Variants in HERC2 observed in about 807,000 individuals in gnomAD.
The protein encoded by HERC2 is HECT and RLD domain containing E3 ubiquitin protein ligase 2.
A neutral mutation model predicts 537.7 loss-of-function variants in HERC2; 102 were observed. The observed-to-expected ratio is 0.19, with a 90% CI of 0.16 to 0.22. The LOEUF (loss-of-function observed/expected upper bound fraction) is 0.22, where lower values mean the gene tolerates loss of function less well. Ranked by LOEUF, HERC2 falls within the 10% of genes least tolerant of loss-of-function variation. The pLI is 1.00. For synonymous variants in HERC2, 2,224 were observed against 2,466.2 expected (o/e 0.90, Z 2.91); for missense variants, 4,236 against 6,198.2 (o/e 0.68, Z 10.63).
At chr15:28,262,801 G>A (rs1162894911) in intron 15 of HERC2, 117 bp downstream of exon 15, 1 of 1,083,132 alleles carries the variant, frequency 9.2e-7, no homozygotes, top group African/African-American at 1.6e-5. Context: ...GTCAGGTTAA[G>A]AACATAAAAC....
Position 28,178,886 on chromosome 15 carries a change from C to T in HERC2, c.9163+1G>A. The T allele has an allele frequency of 6.2e-7, 1 of 1,613,132 alleles. No homozygotes were observed. The highest frequency in any genetic ancestry group is 8.5e-7 in the Non-Finnish European group (1 of 1,179,868). ...CAGGCCTCCTGGTGCTTGGCTTGTA[C>T]CTGAGTGAACAGCCACCTTCTTGAC... On this transcript the variant is annotated splice_donor_variant, in intron 59 of 92. Transcript: ENST00000261609. LOFTEE classifies it high-confidence loss of function.
chr15:28,277,346 A>G (rs2075901356), intron 5 of HERC2, among the ~76,000 whole-genome samples: 2 of 152,130 alleles, frequency 1.3e-5, no homozygotes, highest in Non-Finnish European at 2.9e-5. Flanking sequence ...ATCAAAATTA[A>G]CACCCTCGTT....
In HERC2 at chr15:28,228,357, C is replaced by T. The variant is rs772642437; in HGVS notation, c.5325G>A (p.Pro1775=). 6.2e-6 allele frequency: 10 copies of T among 1,612,070 alleles called. No homozygotes were observed. Among genetic ancestry groups the T allele is most frequent in the Admixed American group, 3.3e-5 (2 of 60,020 alleles). Residue 1775 remains proline (P), a synonymous_variant, in exon 35 of 93, where the codon CCG becomes CCA. Coordinates refer to ENST00000261609, the MANE Select transcript of HERC2 (RefSeq NM_004667.6). ...GGGCTTGCGGGATGGTCCCCAGGCT[C>T]GGTCCTGACGGGTTCTCATTGGTGA... ...QTITNENPSG[P]SLGTIPQARF...
At chr15:28,266,341 T>C (rs867652411) in intron 12 of HERC2, among the ~76,000 whole-genome samples, 1 of 151,916 alleles carries the variant, frequency 6.6e-6, no homozygotes, top group Non-Finnish European at 1.5e-5. Context: ...CATGGTGAAA[T>C]CCCGTCTCTA....
At chr15:28,257,014 C>T in intron 17 of HERC2, 47 bp downstream of exon 17, 1 of 1,509,200 alleles carries the variant, frequency 6.6e-7, no homozygotes, top group East Asian at 2.3e-5. Context: ...CTTACAAATC[C>T]CTAAGACACT....
intron 30 of HERC2, among the ~76,000 whole-genome samples, 162 bp from the exon 31 acceptor site, chr15:28,230,662 C>T (rs1901733078): frequency 6.6e-6 from 1 of 151,874 alleles, no homozygotes; most frequent in African/African-American, 2.4e-5. Flanking sequence ...AAATGATCAC[C>T]CTGGCAGAAC....
intron 2 of HERC2, among the ~76,000 whole-genome samples, chr15:28,316,568 G>A (rs1205200502): frequency 1.3e-5 from 2 of 152,088 alleles, no homozygotes; most frequent in South Asian, 2.1e-4. Flanking sequence ...ATGGAATTTT[G>A]AAAACAAAAA....
intron 86 of HERC2, 64 bp from the exon 87 acceptor site, chr15:28,117,218 T>C (rs745570320): frequency 2.0e-6 from 3 of 1,504,406 alleles, no homozygotes; most frequent in East Asian, 2.3e-5. Flanking sequence ...CAGTCGGGGA[T>C]ATGCGGCACT....
At position 28,268,386 on chromosome 15, in the gene HERC2, C is replaced by A; in HGVS notation, c.1598+79G>T. 1 of 1,379,578 alleles carries A rather than the reference C, an allele frequency of 7.2e-7. No individual in the cohort carries two copies. Among genetic ancestry groups the A allele is most frequent in the South Asian group, 1.3e-5 (1 of 75,216 alleles). 85.5% of individuals were successfully genotyped at this position (1,379,578 alleles called of 1,614,324 possible). On this transcript the variant is annotated intron_variant, in intron 12 of 92. Coordinates refer to ENST00000261609, the MANE Select transcript of HERC2 (RefSeq NM_004667.6). This position sits in a 1 kb window ranked among gnomAD's most constrained non-coding sequence, Gnocchi z 4.7. ...AGGGCAATTGGAAAACACCTGGACA[C>A]ACTTCTGCGCTCCATCCTGTTTAGG...
intron 68 of HERC2, among the ~76,000 whole-genome samples, chr15:28,166,699 A>G (rs1469430472): frequency 2.6e-5 from 4 of 151,634 alleles, no homozygotes; most frequent in African/African-American, 9.8e-5. Context: ...CAGGGATCCC[A>G]ATGACCAGTC....
intron 56 of HERC2, among the ~76,000 whole-genome samples, chr15:28,185,372 G>A (rs575713639): frequency 3.8e-4 from 58 of 152,268 alleles, no homozygotes; most frequent in African/African-American, 1.4e-3. Context: ...CCTGTCTGGA[G>A]GGCCCCGGTC....
intron 57 of HERC2, among the ~76,000 whole-genome samples, chr15:28,180,069 T>C (rs1324133912): frequency 6.6e-6 from 1 of 152,236 alleles, no homozygotes; most frequent in Non-Finnish European, 1.5e-5. Context: ...CTCACCACTC[T>C]CTCACTGACT....
intron 56 of HERC2, among the ~76,000 whole-genome samples, chr15:28,184,857 G>A (rs543900999): frequency 2.0e-5 from 3 of 149,608 alleles, no homozygotes; most frequent in African/African-American, 4.9e-5. Context: ...GCAAGACTCC[G>A]TCTCAAAAAA....
chr15:28,119,765 G>T (rs1888679001), intron 86 of HERC2, among the ~76,000 whole-genome samples: 1 of 152,096 alleles, frequency 6.6e-6, no homozygotes. Flanking sequence ...ATATAAATTT[G>T]TTTGCCATTT....
intron 35 of HERC2, among the ~76,000 whole-genome samples, chr15:28,222,659 G>C (rs1269578169): frequency 6.6e-6 from 1 of 152,126 alleles, no homozygotes; most frequent in East Asian, 1.9e-4. Flanking sequence ...CAGGGTTGCT[G>C]CAGGCTGGCC....
At chr15:28,182,917 G>A (rs999824521) in intron 56 of HERC2, among the ~76,000 whole-genome samples, 5 of 152,172 alleles carry the variant, frequency 3.3e-5, no homozygotes, top group Non-Finnish European at 7.3e-5. Flanking sequence ...CGCTGGGTCT[G>A]GCCTTGCAGC....
intron 86 of HERC2, among the ~76,000 whole-genome samples, chr15:28,119,301 G>A (rs1888620192): frequency 6.6e-6 from 1 of 151,048 alleles, no homozygotes; most frequent in Non-Finnish European, 1.5e-5. Context: ...TCAGGAGGGT[G>A]AGGCAAGAGA....
chr15:28,253,227 CT>C (rs1186374651), intron 20 of HERC2, among the ~76,000 whole-genome samples: 1 of 152,234 alleles, frequency 6.6e-6, no homozygotes, highest in Non-Finnish European at 1.5e-5. Flanking sequence ...CACAGGCTGA[CT>C]CTGACTTCTT....
chr15:28,129,720 AG>A (rs1889897928), intron 83 of HERC2, among the ~76,000 whole-genome samples: 1 of 151,620 alleles, frequency 6.6e-6, no homozygotes, highest in Non-Finnish European at 1.5e-5. Context: ...TGAAGATGAC[AG>A]GGCCAAAGCC....
Sources: allele counts gnomAD v4.1 joint callset (sites outside exome capture counted in the v4.1 genomes callset), GRCh38; gene constraint gnomAD v4.1.1; non-coding constraint Gnocchi (gnomAD v3.1); transcripts MANE v1.5; gene names NCBI Gene and HGNC (gene_info 2026-07-23, HGNC 2026-07-21).